Variants in PPP2R3B observed in about 807,000 individuals in gnomAD.
PPP2R3B encodes protein phosphatase 2 regulatory subunit B''beta.
A neutral mutation model predicts 72.9 loss-of-function variants in PPP2R3B; 68 were observed. The observed-to-expected ratio is 0.93, with a 90% CI of 0.77 to 1.14. The LOEUF (loss-of-function observed/expected upper bound fraction) is 1.14. PPP2R3B is among the 50% of genes most tolerant of loss of function. The pLI is 0.00. For synonymous variants in PPP2R3B, 466 were observed against 375.8 expected (o/e 1.24, Z -2.78); for missense variants, 1,018 against 842.0 (o/e 1.21, Z -2.59).
At position 347,650 on chromosome X, in the gene PPP2R3B, C is replaced by T; in HGVS notation, c.554G>A (p.Gly185Asp). The change falls in exon 3 of 13, where the codon GGC becomes GAC. Residue 185 changes from glycine to aspartate, a missense_variant. Transcript: ENST00000390665. ...PLYWKGPLFY[G>D]AGGERTGSVS... ...GGAGCCCGTGCGCTCCCCGCCGGCG[C>T]CATAGAAGAGCGGCCCCTTCCAGTA... 1.9e-6 allele frequency: 3 copies of T among 1,571,000 alleles called. No individual in the cohort carries two copies. The South Asian group carries it at 3.5e-5, about 18-fold the overall frequency.
chrX:341,036 C>T lies in PPP2R3B; in HGVS notation c.1176-96G>A. ...AGCCCCCACCGGGGGTGCACGCGTC[C>T]CCGCTGTGCCTTGCAGCCCCCACCG... On this transcript the variant is annotated intron_variant, in intron 9 of 12. Transcript: ENST00000390665. The T allele has an allele frequency of 2.7e-6, 4 of 1,498,296 alleles. No individual in the cohort carries two copies. The Admixed American group carries it at 7.6e-5, about 28-fold the overall frequency. 92.8% of individuals were successfully genotyped at this position (1,498,296 alleles called of 1,614,324 possible). A position where few individuals can be genotyped will look rare whatever the true frequency, so the allele number is the denominator to read the frequency against.
intron 1 of PPP2R3B, among the ~76,000 whole-genome samples, chrX:376,545 G>C (rs1243836243): frequency 7.7e-6 from 1 of 130,054 alleles, no homozygotes; most frequent in African/African-American, 3.1e-5. Flanking sequence ...CACACCCAGT[G>C]GGGCCGCCAT....
At chrX:378,711 A>G (rs2072051833) in intron 1 of PPP2R3B, among the ~76,000 whole-genome samples, 1 of 151,500 alleles carries the variant, frequency 6.6e-6, no homozygotes, top group Non-Finnish European at 1.5e-5. Flanking sequence ...CTCTTTACAC[A>G]GTTTCCATGG....
At chrX:346,514 G>A in intron 5 of PPP2R3B, 187 bp downstream of exon 5, 1 of 655,160 alleles carries the variant, frequency 1.5e-6, no homozygotes. Context: ...GGCCACCCCG[G>A]AAAACCAGAG....
At chrX:383,158 C>G (rs981032195) in intron 1 of PPP2R3B, among the ~76,000 whole-genome samples, 1 of 152,156 alleles carries the variant, frequency 6.6e-6, no homozygotes, top group African/African-American at 2.4e-5. Flanking sequence ...TTTTCATCGA[C>G]ACGTACTTTT....
At chrX:345,347 C>T (rs749047047) in intron 7 of PPP2R3B, 169 bp downstream of exon 7, 70 of 973,102 alleles carry the variant, frequency 7.2e-5, no homozygotes, top group Non-Finnish European at 1.0e-4. Context: ...GGGGCAGCGA[C>T]TGGGGAAGGA....
chrX:350,715 C>A (rs1241968484), intron 2 of PPP2R3B, among the ~76,000 whole-genome samples: 1 of 152,246 alleles, frequency 6.6e-6, no homozygotes, highest in African/African-American at 2.4e-5. Flanking sequence ...TCCCGCGAGG[C>A]TGCCAGGCAG....
At position 359,234 on chromosome X, in the gene PPP2R3B, G is replaced by A. The variant is rs1283469543; in HGVS notation, c.510+2171C>T. Among the ~76,000 whole-genome samples, 8 of 152,346 alleles carry A rather than the reference G, an allele frequency of 5.3e-5. No individual in the cohort carries two copies. In the East Asian group the frequency reaches 1.4e-3, roughly 26 times the overall value. On this transcript the variant is annotated intron_variant, in intron 2 of 12. Coordinates refer to ENST00000390665, the MANE Select transcript of PPP2R3B (RefSeq NM_013239.5). ...AAAGGATGAAGGTGTCCCAGCAGAC[G>A]GAATGCCAGCAAAGAGACCTCCCAG... is the stretch of plus-strand genomic sequence containing the variant.
In PPP2R3B at chrX:346,165, G is replaced by GCTCCGCACCTGCAGGAAGGAGCTC; in HGVS notation, c.864_879+8dup. Reference sequence around the variant, plus strand: ...GGCAGGGGGCAGGGGACAGGGGGCCGCTCCGCACCTGCAGGAAGGAGCTCC... The same window carrying GCTCCGCACCTGCAGGAAGGAGCTC: ...GGCAGGGGGCAGGGGACAGGGGGCCGCTCCGCACCTGCAGGAAGGAGCTCCTCCGCACCTGCAGGAAGGAGCTCC... On this transcript the variant is annotated intron_variant, in intron 6 of 12. Coordinates refer to ENST00000390665, the MANE Select transcript of PPP2R3B (RefSeq NM_013239.5). 6.5e-7 allele frequency: 1 copy of GCTCCGCACCTGCAGGAAGGAGCTC among 1,548,986 alleles called. No homozygotes were observed. The highest frequency in any genetic ancestry group is 1.2e-5 in the South Asian group (1 of 84,454).
At chrX:344,571 G>A (rs1391798399) in intron 7 of PPP2R3B, among the ~76,000 whole-genome samples, 3 of 152,246 alleles carry the variant, frequency 2.0e-5, no homozygotes, top group African/African-American at 4.8e-5. Context: ...GGCCGCGCCG[G>A]GCCGGGGGTT....
In PPP2R3B at chrX:367,711, G is replaced by A. The variant is rs372320208; in HGVS notation, c.325-6121C>T. 2.1e-3 allele frequency among the ~76,000 whole-genome samples: 313 copies of A among 152,306 alleles called. 1 individual carries two copies. Among genetic ancestry groups the A allele is most frequent in the African/African-American group, 6.9e-3 (287 of 41,574 alleles). On this transcript the variant is annotated intron_variant, in intron 1 of 12. Coordinates refer to ENST00000390665, the MANE Select transcript of PPP2R3B (RefSeq NM_013239.5). ...ATCACACGGATGAGCAGGCAACATC[G>A]ACCTCAATGCACCGAGTGCTCTAGT...
chrX:345,765 G>A (rs2071190736), intron 6 of PPP2R3B, 93 bp from the exon 7 acceptor site: 5 of 1,434,778 alleles, frequency 3.5e-6, no homozygotes, highest in Non-Finnish European at 1.9e-6. Flanking sequence ...GGCTGGGAGG[G>A]TCGGGGCCGC....
chrX:369,439 C>A (rs1008717490), intron 1 of PPP2R3B, among the ~76,000 whole-genome samples: 1 of 152,230 alleles, frequency 6.6e-6, no homozygotes, highest in Non-Finnish European at 1.5e-5. Context: ...TGACTCATCA[C>A]AATTCCAGAA....
intron 10 of PPP2R3B, 38 bp from the exon 11 acceptor site, chrX:338,934 G>A (rs371880071): frequency 4.8e-5 from 75 of 1,568,120 alleles, no homozygotes; most frequent in Middle Eastern, 1.9e-4. Flanking sequence ...GCGTGAGCCC[G>A]GTCTCACCTT....
chrX:346,715 G>T lies in PPP2R3B; in HGVS notation c.778C>A (p.Arg260Ser), dbSNP rs745317504. ...TGGGGACCCACCGTGGTGATGTAGC[G>T]CGAGTGGAACTCGGACGCCTCCTTC... ...FLKEASEFHS[R>S]YITTVIQRIF... Residue 260 changes from arginine to serine, a missense_variant, in exon 5 of 13, where the codon CGC (arginine) becomes AGC (serine). Transcript: ENST00000390665. 3 of 1,609,728 alleles carry T rather than the reference G, an allele frequency of 1.9e-6. No homozygotes were observed. Among genetic ancestry groups the T allele is most frequent in the South Asian group, 1.1e-5 (1 of 90,884 alleles).
At chrX:341,621 G>A in intron 8 of PPP2R3B, 1 of 640,880 alleles carries the variant, frequency 1.6e-6, no homozygotes, top group Non-Finnish European at 2.8e-6. Context: ...CTTCGTTACT[G>A]CTCACTCAGG....
At chrX:361,829 C>T (rs1346410040) in intron 1 of PPP2R3B, among the ~76,000 whole-genome samples, 1 of 152,184 alleles carries the variant, frequency 6.6e-6, no homozygotes, top group African/African-American at 2.4e-5. Context: ...CGGCTCTGCG[C>T]CACTGAGCCC....
In PPP2R3B at chrX:334,243, A is replaced by C; in HGVS notation, c.*124T>G. ...AGCGGCAATCAACACGCTTCTGTGAATAAATAAAAGTTTATCATTCCGTAC... is the reference window on the plus strand; with the variant it reads ...AGCGGCAATCAACACGCTTCTGTGACTAAATAAAAGTTTATCATTCCGTAC... On this transcript the variant is annotated 3_prime_UTR_variant, in exon 13 of 13. Transcript: ENST00000390665. 4.3e-6 allele frequency: 5 copies of C among 1,166,330 alleles called. No individual in the cohort carries two copies. Among genetic ancestry groups the C allele is most frequent in the Non-Finnish European group, 5.6e-6 (5 of 889,686 alleles). 72.2% of individuals were successfully genotyped at this position (1,166,330 alleles called of 1,614,324 possible). A position where few individuals can be genotyped will look rare whatever the true frequency, so the allele number is the denominator to read the frequency against.
rs773590401 is a variant in PPP2R3B, at chrX:384,982, C to CAAAA, written c.324+1382_324+1385dup. 1.5e-3 allele frequency among the ~76,000 whole-genome samples: 94 copies of CAAAA among 63,058 alleles called. 4 individuals are homozygous for CAAAA. Among genetic ancestry groups the CAAAA allele is most frequent in the African/African-American group, 4.3e-3 (73 of 17,084 alleles). The allele number at this position is 63,058 out of a possible 152,430, so 41.4% of individuals were successfully genotyped here. On this transcript the variant is annotated intron_variant, in intron 1 of 12. Coordinates refer to ENST00000390665, the MANE Select transcript of PPP2R3B (RefSeq NM_013239.5). ...CCTGGGTGAGAGTGAGAATCTGTCTCAAAAAAAAAAAAAAAAAAAAAAAAC... is the reference window on the plus strand; with the variant it reads ...CCTGGGTGAGAGTGAGAATCTGTCTCAAAAAAAAAAAAAAAAAAAAAAAAAAAAC...
Sources: gnomAD v4.1 joint callset for allele counts (sites outside exome capture counted in the v4.1 genomes callset) on GRCh38, gnomAD v4.1.1 for gene constraint, MANE v1.5 for transcripts, NCBI Gene and HGNC (gene_info 2026-07-23, HGNC 2026-07-21) for gene names.